RASAL2: variants seen among roughly 807,000 people sequenced by gnomAD.
The protein encoded by RASAL2 is ras GTPase-activating protein nGAP.
Under a neutral mutation model 128.9 loss-of-function variants are expected in RASAL2, and 58 were observed. That is an observed-to-expected ratio of 0.45 (90% CI 0.36 to 0.56). The LOEUF (loss-of-function observed/expected upper bound fraction) is 0.56. Ranked by LOEUF, RASAL2 falls within the 20% of genes least tolerant of loss-of-function variation. RASAL2 has a pLI of 0.00. For missense variants in RASAL2, 1,360 were observed against 1,601.6 expected, an observed-to-expected ratio of 0.85 and a Z score of 2.57; for synonymous variants, 561 against 580.8, an observed-to-expected ratio of 0.97 and a Z score of 0.49.
rs1312399003 is a variant in RASAL2, at chr1:178,399,888, T to A, written c.564+9682T>A. Among the ~76,000 whole-genome samples the A allele has an allele frequency of 3.3e-5, 5 of 152,220 alleles. No homozygotes were observed. The East Asian group carries it at 9.7e-4, about 29-fold the overall frequency. ...TTTAGCCTTCGCTCTGCTGCCAGAGTGGTCTCTAAAATCTAAACTCCATCA... is the reference window on the plus strand; with the variant it reads ...TTTAGCCTTCGCTCTGCTGCCAGAGAGGTCTCTAAAATCTAAACTCCATCA... On this transcript the variant is annotated intron_variant, in intron 4 of 17. Transcript: ENST00000367649.
intron 4 of RASAL2, among the ~76,000 whole-genome samples, chr1:178,395,771 G>GTATATATATATA (rs57664965): frequency 3.8e-4 from 50 of 132,996 alleles, no homozygotes; most frequent in Admixed American, 1.6e-3. Flanking sequence ...TTAATGAACA[G>GTATATATATATA]TATATATATA....
chr1:178,320,174 G>T (rs2102331389), intron 3 of RASAL2, among the ~76,000 whole-genome samples: 1 of 151,992 alleles, frequency 6.6e-6, no homozygotes, highest in Admixed American at 6.6e-5. Flanking sequence ...GCTGCGTGCT[G>T]GGAGAACCAC....
intron 2 of RASAL2, among the ~76,000 whole-genome samples, chr1:178,286,241 C>A (rs1667018435): frequency 6.6e-6 from 1 of 152,134 alleles, no homozygotes; most frequent in Admixed American, 6.5e-5. Context: ...CTTAGTCTTA[C>A]AAGAACTGAG....
chr1:178,117,067 A>T (rs1427359949), intron 1 of RASAL2, among the ~76,000 whole-genome samples: 2 of 152,232 alleles, frequency 1.3e-5, no homozygotes, highest in Non-Finnish European at 2.9e-5. Flanking sequence ...ATGGGTAAGA[A>T]AGGTATTGTT....
At chr1:178,124,245 G>A (rs1427799509) in intron 1 of RASAL2, among the ~76,000 whole-genome samples, 1 of 152,142 alleles carries the variant, frequency 6.6e-6, no homozygotes, top group African/African-American at 2.4e-5. Context: ...TCCTTAGAGT[G>A]GTAGTTCTCA....
chr1:178,334,343 C>CTT (rs759305300), intron 3 of RASAL2, among the ~76,000 whole-genome samples: 3 of 142,604 alleles, frequency 2.1e-5, no homozygotes, highest in Non-Finnish European at 4.6e-5. Context: ...ACTTTTTTTT[C>CTT]TTTTTTTTTT....
At chr1:178,193,984 C>T (rs1041767518) in intron 1 of RASAL2, among the ~76,000 whole-genome samples, 8 of 152,180 alleles carry the variant, frequency 5.3e-5, no homozygotes, top group African/African-American at 1.9e-4. Context: ...TATGGTCAAA[C>T]TGAGGCCCAA....
chr1:178,477,667 C>T lies in RASAL2; in HGVS notation c.*4428C>T, dbSNP rs920942757. 2.0e-5 allele frequency: 3 copies of T among 152,164 alleles called. No homozygotes were observed. The highest frequency in any genetic ancestry group is 4.8e-5 in the African/African-American group (2 of 41,436). The allele number at this position is 152,164 out of a possible 1,614,324, so 9.4% of individuals were successfully genotyped here. A position where few individuals can be genotyped will look rare whatever the true frequency, so the allele number is the denominator to read the frequency against. The stretch of plus-strand genomic sequence containing the variant: ...TCTGTAGACAACACATGCACACACC[C>T]ACACAAAACATAATTCCTGGGGCTT... On this transcript the variant is annotated 3_prime_UTR_variant, in exon 18 of 18. Coordinates refer to ENST00000367649, the MANE Select transcript of RASAL2 (RefSeq NM_170692.4).
intron 1 of RASAL2, among the ~76,000 whole-genome samples, chr1:178,145,851 T>A (rs1158541999): frequency 6.6e-6 from 1 of 152,162 alleles, no homozygotes. Flanking sequence ...CAACTACCTA[T>A]AAGTGACTTT....
At chr1:178,290,780 A>G (rs1257434764) in intron 2 of RASAL2, among the ~76,000 whole-genome samples, 1 of 151,946 alleles carries the variant, frequency 6.6e-6, no homozygotes, top group African/African-American at 2.4e-5. Context: ...GGTTCACGCC[A>G]TTCTCCTGCC....
At chr1:178,340,008 C>T (rs1463947771) in intron 3 of RASAL2, among the ~76,000 whole-genome samples, 1 of 152,130 alleles carries the variant, frequency 6.6e-6, no homozygotes, top group Admixed American at 6.6e-5. Context: ...TAGCTACCAA[C>T]TTATGAAACC....
intron 3 of RASAL2, among the ~76,000 whole-genome samples, chr1:178,345,944 C>G (rs1401648870): frequency 6.6e-6 from 1 of 152,082 alleles, no homozygotes; most frequent in Non-Finnish European, 1.5e-5. Flanking sequence ...TCAGTATTTT[C>G]TCAAAGTATG....
chr1:178,111,222 A>C (rs548567228), intron 1 of RASAL2, among the ~76,000 whole-genome samples: 5 of 152,240 alleles, frequency 3.3e-5, no homozygotes, highest in Admixed American at 6.5e-5. Flanking sequence ...TGACAGATAA[A>C]GTTGTTGTGA....
intron 1 of RASAL2, among the ~76,000 whole-genome samples, chr1:178,095,495 A>G (rs1244798672): frequency 6.6e-6 from 1 of 152,202 alleles, no homozygotes; most frequent in Non-Finnish European, 1.5e-5. Context: ...AAACGGCAAG[A>G]TGTTTATCGC....
At chr1:178,377,561 G>T (rs1030106842) in intron 3 of RASAL2, among the ~76,000 whole-genome samples, 1 of 152,114 alleles carries the variant, frequency 6.6e-6, no homozygotes, top group African/African-American at 2.4e-5. Context: ...GAACTGAAAG[G>T]CCTATGTCAT....
intron 5 of RASAL2, among the ~76,000 whole-genome samples, chr1:178,426,854 T>C (rs1425310732): frequency 6.6e-6 from 1 of 152,184 alleles, no homozygotes; most frequent in Non-Finnish European, 1.5e-5. Flanking sequence ...TAAACATTTT[T>C]GATCAAGAAA....
At chr1:178,266,314 C>G (rs1303790534) in intron 1 of RASAL2, among the ~76,000 whole-genome samples, 3 of 152,216 alleles carry the variant, frequency 2.0e-5, no homozygotes, top group Non-Finnish European at 2.9e-5. Context: ...ATTTGCATTT[C>G]CCTGATGAGT....
At chr1:178,397,746 C>G (rs1269535127) in intron 4 of RASAL2, among the ~76,000 whole-genome samples, 1 of 151,710 alleles carries the variant, frequency 6.6e-6, no homozygotes, top group African/African-American at 2.4e-5. Flanking sequence ...GCTGGAACCA[C>G]AAGCGCATGG....
At chr1:178,131,144 ATAAT>A (rs1660098210) in intron 1 of RASAL2, among the ~76,000 whole-genome samples, 1 of 152,072 alleles carries the variant, frequency 6.6e-6, no homozygotes, top group African/African-American at 2.4e-5. Context: ...AAAATTCCAA[ATAAT>A]TAGAGTAAAA....
Sources: gnomAD v4.1 joint callset for allele counts (sites outside exome capture counted in the v4.1 genomes callset) on GRCh38, gnomAD v4.1.1 for gene constraint, MANE v1.5 for transcripts, NCBI Gene and HGNC (gene_info 2026-07-23, HGNC 2026-07-21) for gene names.